Variants in PDS5A observed in about 807,000 individuals in gnomAD.
PDS5A encodes the protein PDS5 cohesin associated factor A, also known as sister chromatid cohesion protein PDS5 homolog A.
PDS5A carries 42 observed loss-of-function variants against 167.1 expected under a neutral mutation model. The ratio of observed to expected loss-of-function variants is 0.25; its 90% CI spans 0.20 to 0.33. PDS5A has a LOEUF of 0.33. Among genes scored for constraint, PDS5A ranks in the 10% least tolerant of loss-of-function variants. PDS5A has a pLI of 1.00. For synonymous variants in PDS5A, 553 were observed against 554.6 expected, an observed-to-expected ratio of 1.00 and a Z score of 0.04; for missense variants, 1,033 against 1,605.9, an observed-to-expected ratio of 0.64 and a Z score of 6.10.
At chr4:39,873,691 T>G (rs1260105209) in intron 20 of PDS5A, among the ~76,000 whole-genome samples, 2 of 152,158 alleles carry the variant, frequency 1.3e-5, no homozygotes, top group East Asian at 3.8e-4. Flanking sequence ...TACTAATACT[T>G]TCCGAGGATA....
chr4:39,967,071 G>A (rs949414006), intron 2 of PDS5A, among the ~76,000 whole-genome samples: 1 of 151,604 alleles, frequency 6.6e-6, no homozygotes. Context: ...TTGGGAGGCC[G>A]AGGTGGGTGG....
intron 2 of PDS5A, among the ~76,000 whole-genome samples, chr4:39,957,945 C>G (rs1729116672): frequency 6.6e-6 from 1 of 152,086 alleles, no homozygotes; most frequent in African/African-American, 2.4e-5. Flanking sequence ...CACCTGAGGT[C>G]AGGAGTTCAA....
intron 13 of PDS5A, among the ~76,000 whole-genome samples, chr4:39,901,946 G>C (rs1469581209): frequency 6.6e-6 from 1 of 152,172 alleles, no homozygotes; most frequent in Non-Finnish European, 1.5e-5. Context: ...CTTTCAGTCT[G>C]AAAATAATCC....
chr4:39,974,719 T>A (rs967878174), intron 2 of PDS5A, among the ~76,000 whole-genome samples: 3 of 152,038 alleles, frequency 2.0e-5, no homozygotes, highest in Non-Finnish European at 4.4e-5. Flanking sequence ...AATTTTGTAT[T>A]TTTAGTAGAA....
At chr4:39,904,742 T>C (rs1427522554) in intron 11 of PDS5A, among the ~76,000 whole-genome samples, 1 of 152,234 alleles carries the variant, frequency 6.6e-6, no homozygotes, top group Non-Finnish European at 1.5e-5. Flanking sequence ...TTGCCTAGGC[T>C]GGTCTCAAAT....
chr4:39,901,979 C>T (rs904032524), intron 13 of PDS5A, among the ~76,000 whole-genome samples: 2 of 152,124 alleles, frequency 1.3e-5, no homozygotes, highest in Non-Finnish European at 2.9e-5. Context: ...AATCATATGG[C>T]CATCTTACAC....
At chr4:39,943,632 A>T (rs1727442817) in intron 2 of PDS5A, among the ~76,000 whole-genome samples, 1 of 151,340 alleles carries the variant, frequency 6.6e-6, no homozygotes, top group Non-Finnish European at 1.5e-5. Flanking sequence ...AAAAAAAAAA[A>T]AAAAAAAATA....
In PDS5A at chr4:39,955,516, C is replaced by A. The variant is rs1728840152; in HGVS notation, c.138+20924G>T. Among the ~76,000 whole-genome samples the A allele has an allele frequency of 2.0e-5, 3 of 151,974 alleles. No individual in the cohort carries two copies. In the South Asian group the frequency reaches 6.2e-4, roughly 32 times the overall value. On this transcript the variant is annotated intron_variant, in intron 2 of 32. Coordinates refer to ENST00000303538, the MANE Select transcript of PDS5A (RefSeq NM_001100399.2). Reference sequence around the variant, plus strand: ...TTGGGAGGCTGAGGTGGGAGAACTGCTTGAACCCGGGGGAGCGGAGGTTGC... The same window carrying A: ...TTGGGAGGCTGAGGTGGGAGAACTGATTGAACCCGGGGGAGCGGAGGTTGC...
At chr4:39,851,596 A>AT (rs34915711) in intron 26 of PDS5A, among the ~76,000 whole-genome samples, 2 of 151,998 alleles carry the variant, frequency 1.3e-5, no homozygotes, top group South Asian at 2.1e-4. Flanking sequence ...CTATCTAAAT[A>AT]TTTTTTTTGA....
intron 1 of PDS5A, 122 bp from the exon 2 acceptor site, chr4:39,976,739 G>A (rs113525534): frequency 0.047 from 23,107 of 493,502 alleles, 609 homozygotes; most frequent in Non-Finnish European, 0.055. Flanking sequence ...CCCGGCAGCG[G>A]CCTCGCCACC....
intron 16 of PDS5A, among the ~76,000 whole-genome samples, chr4:39,894,103 C>T (rs540970167): frequency 9.8e-5 from 15 of 152,298 alleles, no homozygotes; most frequent in African/African-American, 3.6e-4. Flanking sequence ...CAGCAAATTA[C>T]TCAGCTCAGA....
chr4:39,865,090 C>A (rs1719316140), intron 23 of PDS5A, among the ~76,000 whole-genome samples: 1 of 151,684 alleles, frequency 6.6e-6, no homozygotes, highest in South Asian at 2.1e-4. Flanking sequence ...ATGAAGGAAC[C>A]CATTTCCATG....
At chr4:39,927,690 T>C (rs1460912241) in intron 3 of PDS5A, among the ~76,000 whole-genome samples, 1 of 152,240 alleles carries the variant, frequency 6.6e-6, no homozygotes, top group Non-Finnish European at 1.5e-5. Context: ...CTATCTGGGC[T>C]TTTGTGATGA....
intron 31 of PDS5A, among the ~76,000 whole-genome samples, 176 bp downstream of exon 31, chr4:39,841,772 A>G (rs1717041953): frequency 6.6e-6 from 1 of 152,190 alleles, no homozygotes; most frequent in Non-Finnish European, 1.5e-5. Context: ...GGTAAGCAGA[A>G]TCATTTTTGG....
chr4:39,905,548 A>G (rs1433638116), intron 11 of PDS5A, among the ~76,000 whole-genome samples: 1 of 152,116 alleles, frequency 6.6e-6, no homozygotes, highest in Non-Finnish European at 1.5e-5. Flanking sequence ...ACAGAGTGAG[A>G]CTCTGTCTCA....
intron 16 of PDS5A, among the ~76,000 whole-genome samples, chr4:39,896,439 C>T (rs1722421287): frequency 6.8e-6 from 1 of 147,662 alleles, no homozygotes; most frequent in Non-Finnish European, 1.5e-5. Context: ...TGGTTTCTTT[C>T]CTTATATCCT....
intron 2 of PDS5A, among the ~76,000 whole-genome samples, chr4:39,939,054 T>A (rs552166877): frequency 2.5e-4 from 38 of 151,660 alleles, no homozygotes; most frequent in African/African-American, 9.2e-4. Flanking sequence ...TCTAGCCATA[T>A]AAAATTGAAA....
At chr4:39,839,764 G>C (rs1328879242) in intron 31 of PDS5A, among the ~76,000 whole-genome samples, 1 of 138,562 alleles carries the variant, frequency 7.2e-6, no homozygotes, top group Non-Finnish European at 1.6e-5. Context: ...TGGGGGGGGG[G>C]GGCAGGGGAG....
intron 2 of PDS5A, among the ~76,000 whole-genome samples, chr4:39,944,694 C>CAAAAA (rs373241104): frequency 8.1e-5 from 7 of 86,072 alleles, no homozygotes; most frequent in African/African-American, 1.9e-4. Context: ...AACTCCATCT[C>CAAAAA]AAAAAAAAAA....
Sources: gnomAD v4.1 joint callset for allele counts (sites outside exome capture counted in the v4.1 genomes callset) on GRCh38, gnomAD v4.1.1 for gene constraint, MANE v1.5 for transcripts, NCBI Gene and HGNC (gene_info 2026-07-23, HGNC 2026-07-21) for gene names.